PSMF1: variants seen among roughly 807,000 people sequenced by gnomAD.
PSMF1 encodes proteasome inhibitor PI31 subunit.
Under a neutral mutation model 29.3 loss-of-function variants are expected in PSMF1, and 30 were observed. That is an observed-to-expected ratio of 1.02 (90% confidence interval 0.77 to 1.39). The LOEUF is 1.39. Among genes scored for constraint, PSMF1 ranks in the 40% most tolerant of loss-of-function variants. The pLI, the probability that PSMF1 is intolerant of heterozygous loss-of-function variation, is 0.00. For missense variants in PSMF1, 344 were observed against 357.5 expected (o/e 0.96, Z 0.31); for synonymous variants, 134 against 139.7 (o/e 0.96, Z 0.29).
chr20:1,161,705 A>C, intron 4 of PSMF1: 1 of 619,536 alleles, frequency 1.6e-6, no homozygotes, highest in Admixed American at 2.1e-5. Context: ...TAAATGGACT[A>C]CAAGCAGATG....
chr20:1,155,080 A>G (rs2086576511), intron 4 of PSMF1, among the ~76,000 whole-genome samples: 1 of 152,242 alleles, frequency 6.6e-6, no homozygotes, highest in Admixed American at 6.5e-5. Flanking sequence ...ATTGGAGAAT[A>G]GCAGAGTTTT....
At position 1,163,514 on chromosome 20, in the gene PSMF1, T is replaced by G. The variant is rs192937811; in HGVS notation, c.605+331T>G. ...GGGCAGCTCAGGGCTATTCAGAGGTTGCCCCACTTAATAAAGGGAGTCTCT... is the reference window on the plus strand; with the variant it reads ...GGGCAGCTCAGGGCTATTCAGAGGTGGCCCCACTTAATAAAGGGAGTCTCT... On this transcript the variant is annotated intron_variant, in intron 5 of 6. Transcript: ENST00000335877. This position sits in a 1 kb window ranked among gnomAD's most constrained non-coding sequence, Gnocchi z 6.1. 3.9e-5 allele frequency among the ~76,000 whole-genome samples: 6 copies of G among 152,336 alleles called. No individual in the cohort carries two copies. In the East Asian group the frequency reaches 5.8e-4, roughly 15 times the overall value.
At chr20:1,147,232 G>A (rs1454217973) in intron 4 of PSMF1, among the ~76,000 whole-genome samples, 1 of 152,050 alleles carries the variant, frequency 6.6e-6, no homozygotes, top group African/African-American at 2.4e-5. Flanking sequence ...TTCACCATGC[G>A]TTGGCCTGTG....
At chr20:1,158,154 A>G (rs1365892088) in intron 4 of PSMF1, among the ~76,000 whole-genome samples, 1 of 152,198 alleles carries the variant, frequency 6.6e-6, no homozygotes, top group African/African-American at 2.4e-5. Flanking sequence ...AGCAGAACGC[A>G]ATGTCATGGG....
rs190582220 is a variant in PSMF1 at position 1,125,758 on chromosome 20, T to G, written c.282+108T>G. 3.6e-6 allele frequency: 5 copies of G among 1,386,054 alleles called. No individual in the cohort carries two copies. In the Admixed American group the frequency reaches 1.1e-4, roughly 29 times the overall value. 85.9% of individuals were successfully genotyped at this position (1,386,054 alleles called of 1,614,324 possible). A position where few individuals can be genotyped will look rare whatever the true frequency, so the allele number is the denominator to read the frequency against. ...AGAGCTTCAATGTTCATGTAGCCCT[T>G]ACCTAGTGATCCCACTTCTGGAACT... is the stretch of plus-strand genomic sequence containing the variant. On this transcript the variant is annotated intron_variant, in intron 2 of 6. Transcript: ENST00000335877.
At chr20:1,160,060 G>A (rs2086647017) in intron 4 of PSMF1, among the ~76,000 whole-genome samples, 1 of 151,932 alleles carries the variant, frequency 6.6e-6, no homozygotes, top group Admixed American at 6.6e-5. Flanking sequence ...TATTTGTGTT[G>A]TATTATATCC....
At chr20:1,136,473 C>A (rs55992646) in intron 4 of PSMF1, among the ~76,000 whole-genome samples, 3,315 of 152,212 alleles carry the variant, frequency 0.022, 127 homozygotes, top group African/African-American at 0.076. Flanking sequence ...CTTTATTAGA[C>A]CCAATGCCCA....
intron 4 of PSMF1, among the ~76,000 whole-genome samples, chr20:1,139,561 C>T (rs1191236522): frequency 6.6e-6 from 1 of 152,004 alleles, no homozygotes; most frequent in Non-Finnish European, 1.5e-5. Flanking sequence ...CTGGCTAACA[C>T]GGTGAAACCC....
rs6514113 is a variant in PSMF1, at chr20:1,127,479, C to G, written c.336C>G (p.Ile112Met). 3.1e-6 allele frequency: 5 copies of G among 1,606,984 alleles called. No homozygotes were observed. The highest frequency in any genetic ancestry group is 4.3e-6 in the Non-Finnish European group (5 of 1,173,578). The change falls in exon 3 of 7, where the codon ATC (isoleucine) becomes ATG (methionine). Residue 112 changes from isoleucine (I) to methionine (M), a missense_variant. Ile to Met is a conservative substitution (Grantham distance 10). Transcript: ENST00000335877. ...TGACCCTGAACTTGGATGATTATAT[C>G]GATGCAGAACACCTGGGTGACTTCC... ...ADLTLNLDDY[I>M]DAEHLGDFHR...
chr20:1,154,803 T>C (rs1317339179), intron 4 of PSMF1, among the ~76,000 whole-genome samples: 2 of 152,122 alleles, frequency 1.3e-5, no homozygotes, highest in African/African-American at 4.8e-5. Flanking sequence ...GGTCTGAAAA[T>C]ATTTAGGTTG....
At chr20:1,122,876 T>C (rs1294852000) in intron 1 of PSMF1, among the ~76,000 whole-genome samples, 1 of 152,196 alleles carries the variant, frequency 6.6e-6, no homozygotes, top group East Asian at 1.9e-4. Flanking sequence ...CCAAATTGTT[T>C]ATATTCCAAG....
At chr20:1,140,693 G>T (rs2086369932) in intron 4 of PSMF1, among the ~76,000 whole-genome samples, 1 of 152,190 alleles carries the variant, frequency 6.6e-6, no homozygotes, top group African/African-American at 2.4e-5. Context: ...GAGAATATTT[G>T]CAAATCAGAT....
Position 1,133,569 on chromosome 20 carries a change from A to ATATATATATATT in PSMF1, c.366-1551_366-1550insATATATATATTT. Among the ~76,000 whole-genome samples the ATATATATATATT allele has an allele frequency of 2.6e-3, 139 of 53,290 alleles. 1 individual carries two copies. The highest frequency in any genetic ancestry group is 0.022 in the Middle Eastern group (2 of 90). 35.0% of individuals were successfully genotyped at this position (53,290 alleles called of 152,430 possible). A position where few individuals can be genotyped will look rare whatever the true frequency, so the allele number is the denominator to read the frequency against. On this transcript the variant is annotated intron_variant, in intron 3 of 6. Coordinates refer to ENST00000335877, the MANE Select transcript of PSMF1 (RefSeq NM_006814.5). ...TCTATATATGTGTATATATATATAT[A>ATATATATATATT]TTTTTTTTTTTTTTTTGGTGTAGTC... is the stretch of plus-strand genomic sequence containing the variant.
At chr20:1,117,164 T>C (rs527247608), upstream of PSMF1, among the ~76,000 whole-genome samples, 8 of 151,984 alleles carry the variant, frequency 5.3e-5, no homozygotes, top group East Asian at 1.4e-3. Flanking sequence ...ATTGCACGTA[T>C]AAAGGGGATG....
intron 1 of PSMF1, among the ~76,000 whole-genome samples, chr20:1,120,353 A>G (rs2086071127): frequency 6.6e-6 from 1 of 152,132 alleles, no homozygotes; most frequent in Non-Finnish European, 1.5e-5. Context: ...CCTTTCACAC[A>G]CACATACCTG....
chr20:1,128,706 T>G (rs1298582127), intron 3 of PSMF1, among the ~76,000 whole-genome samples: 1 of 152,158 alleles, frequency 6.6e-6, no homozygotes, highest in Non-Finnish European at 1.5e-5. Context: ...CCATCTTCAT[T>G]GACCTCCTCA....
At chr20:1,161,172 C>G (rs956112652) in intron 4 of PSMF1, 2 of 334,014 alleles carry the variant, frequency 6.0e-6, no homozygotes, top group African/African-American at 2.2e-5. Context: ...CTACAGCTTC[C>G]CTACCACAGC....
At chr20:1,118,596 A>G (rs2086036996), upstream of PSMF1, 1 of 705,730 alleles carries the variant, frequency 1.4e-6, no homozygotes, top group Non-Finnish European at 2.2e-6. Flanking sequence ...TGTTGGGACT[A>G]CTTCCGGCTT....
upstream of PSMF1, among the ~76,000 whole-genome samples, chr20:1,116,104 C>T (rs989450969): frequency 6.6e-6 from 1 of 151,626 alleles, no homozygotes; most frequent in East Asian, 1.9e-4. Flanking sequence ...TGTGTCTGGC[C>T]CACAGTAGGC....
Sources: gnomAD v4.1 joint callset for allele counts (sites outside exome capture counted in the v4.1 genomes callset) on GRCh38, gnomAD v4.1.1 for gene constraint, Gnocchi (gnomAD v3.1) non-coding constraint, MANE v1.5 for transcripts, NCBI Gene and HGNC (gene_info 2026-07-23, HGNC 2026-07-21) for gene names.